Variants in CBX2 observed in about 807,000 individuals in gnomAD.
CBX2 encodes chromobox protein homolog 2.
In CBX2, 11 loss-of-function variants were observed where a neutral mutation model predicts 21.0. That is an observed-to-expected ratio of 0.52 (90% CI 0.33 to 0.87). The LOEUF is 0.87. CBX2 is among the 40% of genes least tolerant of loss of function. The pLI, the probability that CBX2 is intolerant of heterozygous loss-of-function variation, is 0.02. For missense variants in CBX2, 746 were observed against 724.3 expected, an observed-to-expected ratio of 1.03 and a Z score of -0.34; for synonymous variants, 364 against 304.6, an observed-to-expected ratio of 1.19 and a Z score of -2.03.
At chr17:79,782,002 C>T in intron 4 of CBX2, 1 of 1,614,052 alleles carries the variant, frequency 6.2e-7, no homozygotes, top group South Asian at 1.1e-5. Context: ...CTGAGAGTTC[C>T]TCCCCGCCCC....
rs1555831506 is a variant in CBX2 at position 79,785,094 on chromosome 17, G to A, written c.*52G>A. 1 of 1,495,978 alleles carries A rather than the reference G, an allele frequency of 6.7e-7. No homozygotes were observed. The highest frequency in any genetic ancestry group is 1.1e-5 in the South Asian group (1 of 88,858). The allele number at this position is 1,495,978 out of a possible 1,614,324, so 92.7% of individuals were successfully genotyped here. ...CTTACTCCCCTTCCCTGCCTATGGT[G>A]TCGCTTGGCTAAGTGACTCCCAGCC... On this transcript the variant is annotated 3_prime_UTR_variant, in exon 5 of 5. Coordinates refer to ENST00000310942, the MANE Select transcript of CBX2 (RefSeq NM_005189.3).
At chr17:79,782,405 C>T (rs901293089) in intron 4 of CBX2, 18 of 1,361,678 alleles carry the variant, frequency 1.3e-5, no homozygotes, top group East Asian at 9.0e-5. Flanking sequence ...GGTATGCATG[C>T]GCCCCTGGGG....
chr17:79,782,794 G>A (rs1363781434), intron 4 of CBX2, among the ~76,000 whole-genome samples: 12 of 152,300 alleles, frequency 7.9e-5, no homozygotes, highest in East Asian at 1.9e-4. Context: ...TTGGGAGAAC[G>A]GGGTGGTAGG....
intron 4 of CBX2, chr17:79,782,343 G>A (rs1490387361): frequency 2.0e-5 from 29 of 1,469,330 alleles, no homozygotes; most frequent in Admixed American, 4.5e-5. Context: ...TGGCCTTCTC[G>A]GGACTGTCCT....
At chr17:79,783,450 C>T (rs1907386223) in intron 4 of CBX2, among the ~76,000 whole-genome samples, 1 of 151,432 alleles carries the variant, frequency 6.6e-6, no homozygotes, top group South Asian at 2.1e-4. Context: ...CGCTCTGTCG[C>T]CCAGGCTGGA....
At chr17:79,780,686 C>T (rs1465086414) in intron 3 of CBX2, among the ~76,000 whole-genome samples, 2 of 152,034 alleles carry the variant, frequency 1.3e-5, no homozygotes, top group African/African-American at 4.8e-5. Context: ...TCTCCATCCA[C>T]CAAAATGTTA....
At chr17:79,780,438 A>C (rs1907091870) in intron 3 of CBX2, among the ~76,000 whole-genome samples, 1 of 152,218 alleles carries the variant, frequency 6.6e-6, no homozygotes, top group Non-Finnish European at 1.5e-5. Flanking sequence ...AAATCGTAAC[A>C]GCAACCCATC....
chr17:79,777,897 C>A (rs1293320829), upstream of CBX2, among the ~76,000 whole-genome samples: 2 of 149,774 alleles, frequency 1.3e-5, no homozygotes, highest in Non-Finnish European at 3.0e-5. Flanking sequence ...ACCTCCTCCC[C>A]CAGCCAGGGG....
At chr17:79,780,491 G>A (rs758777529) in intron 3 of CBX2, among the ~76,000 whole-genome samples, 1 of 152,194 alleles carries the variant, frequency 6.6e-6, no homozygotes, top group African/African-American at 2.4e-5. Context: ...GCCTTGGGGT[G>A]GGGGAATGGC....
chr17:79,784,927 C>T lies in CBX2; in HGVS notation c.1484C>T (p.Pro495Leu). Reference sequence around the variant, plus strand: ...GTTCAGACCAGCCAGGACTGGAAGCCCACCCGCAGCCTCATCGAGCACGTA... The same window carrying T: ...GTTCAGACCAGCCAGGACTGGAAGCTCACCCGCAGCCTCATCGAGCACGTA... ...VSVQTSQDWK[P>L]TRSLIEHVFV... Residue 495 changes from proline (P) to leucine (L), a missense_variant, in exon 5 of 5, where the codon CCC (proline) becomes CTC (leucine). By Grantham distance (98) the Pro-to-Leu change is moderately conservative. Around this residue, in one of 2 missense-constraint regions of CBX2, gnomAD observed 701 missense variants for 650.7 expected, o/e 1.08. Coordinates refer to ENST00000310942, the MANE Select transcript of CBX2 (RefSeq NM_005189.3). This position sits in a 1 kb window ranked among gnomAD's most constrained non-coding sequence, Gnocchi z 5.9. 1 of 1,613,268 alleles carries T rather than the reference C, an allele frequency of 6.2e-7. No homozygotes were observed.
intron 4 of CBX2, 72 bp from the exon 5 acceptor site, chr17:79,783,660 T>G: frequency 7.4e-7 from 1 of 1,346,158 alleles, no homozygotes. Context: ...TCCACCCGCT[T>G]CGGCCTCCCA....
chr17:79,778,409 G>A lies in CBX2; in HGVS notation c.98G>A (p.Trp33Ter). The change falls in exon 2 of 5, where the codon TGG becomes TAG. Residue 33 changes from tryptophan to a stop codon, truncating the protein, a stop_gained. Coordinates refer to ENST00000310942, the MANE Select transcript of CBX2 (RefSeq NM_005189.3). LOFTEE classifies it high-confidence loss of function. The surrounding 1 kb of genome is among the most constrained non-coding windows in gnomAD (Gnocchi z 4.8). ...GGCAAGCTGGAGTACCTGGTCAAGT[G>A]GCGCGGCTGGTCCTCCAAGTGAGTC... ...RKGKLEYLVK[W>*]RGWSSKHNSW... 1 of 1,572,976 alleles carries A rather than the reference G, an allele frequency of 6.4e-7. No individual in the cohort carries two copies. The highest frequency in any genetic ancestry group is 8.6e-7 in the Non-Finnish European group (1 of 1,165,394).
intron 4 of CBX2, 126 bp downstream of exon 4, chr17:79,781,927 A>C (rs782456722): frequency 6.2e-7 from 1 of 1,614,014 alleles, no homozygotes; most frequent in Non-Finnish European, 8.5e-7. Flanking sequence ...CTGTCCCTCT[A>C]CTCGGAAAAC....
Position 79,785,203 on chromosome 17 carries a change from C to T in CBX2, c.*161C>T. The T allele has an allele frequency of 1.5e-6, 1 of 662,506 alleles. No homozygotes were observed. Among genetic ancestry groups the T allele is most frequent in the Non-Finnish European group, 2.7e-6 (1 of 372,762 alleles). 41.0% of individuals were successfully genotyped at this position (662,506 alleles called of 1,614,324 possible). A position where few individuals can be genotyped will look rare whatever the true frequency, so the allele number is the denominator to read the frequency against. Reference sequence around the variant, plus strand: ...AGGCTTGGAAGGGACTTCTCCCGCACCCCACTCTGTCCCAGGACATAGGGC... The same window carrying T: ...AGGCTTGGAAGGGACTTCTCCCGCATCCCACTCTGTCCCAGGACATAGGGC... On this transcript the variant is annotated 3_prime_UTR_variant, in exon 5 of 5. Transcript: ENST00000310942.
At position 79,778,796 on chromosome 17, in the gene CBX2, CTT is replaced by C. The variant is rs150418903; in HGVS notation, c.116+379_116+380del. 6.7e-6 allele frequency among the ~76,000 whole-genome samples: 1 copy of C among 148,260 alleles called. No individual in the cohort carries two copies. Among genetic ancestry groups the C allele is most frequent in the South Asian group, 2.1e-4 (1 of 4,706 alleles). On this transcript the variant is annotated intron_variant, in intron 2 of 4. Coordinates refer to ENST00000310942, the MANE Select transcript of CBX2 (RefSeq NM_005189.3). The surrounding 1 kb of genome is among the most constrained non-coding windows in gnomAD (Gnocchi z 4.8). ...CTTGCTATTGATGGATGTAGAGTTT[CTT>C]TTTTTTTTTCTTTCTTTTAATGGAA...
Position 79,782,012 on chromosome 17 carries a change from C to T in CBX2, c.288+211C>T, listed in dbSNP as rs541729358. 2.2e-5 allele frequency: 36 copies of T among 1,614,104 alleles called. No homozygotes were observed. In the South Asian group the frequency reaches 3.4e-4, roughly 15 times the overall value. Reference sequence around the variant, plus strand: ...GCCGGCTGAGAGTTCCTCCCCGCCCCTCCCAGGGGCTTCCTGCTTCAGCCT... The same window carrying T: ...GCCGGCTGAGAGTTCCTCCCCGCCCTTCCCAGGGGCTTCCTGCTTCAGCCT... On this transcript the variant is annotated intron_variant, in intron 4 of 4. Transcript: ENST00000310942.
Position 79,783,847 on chromosome 17 carries a change from G to C in CBX2, c.404G>C (p.Arg135Pro), listed in dbSNP as rs781881482. 31 of 1,613,128 alleles carry C rather than the reference G, an allele frequency of 1.9e-5. No homozygotes were observed. The highest frequency in any genetic ancestry group is 2.6e-5 in the Non-Finnish European group (31 of 1,179,574). Residue 135 changes from arginine (R) to proline (P), a missense_variant, in exon 5 of 5, where the codon CGG (arginine) becomes CCG (proline). By Grantham distance (103) the Arg-to-Pro change is moderately radical. Transcript: ENST00000310942. Reference sequence around the variant, plus strand: ...GACTTAGATGCTAAGAGGGGTCCCCGGGGCCGCGAGACCCACCCAGTGCCG... The same window carrying C: ...GACTTAGATGCTAAGAGGGGTCCCCCGGGCCGCGAGACCCACCCAGTGCCG... ...DSDLDAKRGPRGRETHPVPQK... is the reference protein window; with the variant it reads ...DSDLDAKRGPPGRETHPVPQK...
intron 4 of CBX2, chr17:79,782,110 C>CT (rs781811360): frequency 3.7e-6 from 6 of 1,613,382 alleles, no homozygotes; most frequent in Non-Finnish European, 5.1e-6. Context: ...CCAGGGGGTC[C>CT]TTGGGGGACG....
At chr17:79,777,552 G>A (rs1906807973), upstream of CBX2, among the ~76,000 whole-genome samples, 1 of 152,144 alleles carries the variant, frequency 6.6e-6, no homozygotes, top group Admixed American at 6.5e-5. Flanking sequence ...AAAAAGCCTC[G>A]GCTGCTGGGG....
Sources: gnomAD v4.1 joint callset for allele counts (sites outside exome capture counted in the v4.1 genomes callset) on GRCh38, gnomAD v4.1.1 for gene constraint, gnomAD v4.1.1 regional missense constraint, Gnocchi (gnomAD v3.1) non-coding constraint, MANE v1.5 for transcripts, NCBI Gene and HGNC (gene_info 2026-07-23, HGNC 2026-07-21) for gene names.